The following TXNDC16 variants were observed in gnomAD, a reference collection of about 807,000 sequenced individuals.
TXNDC16 encodes the protein thioredoxin domain containing 16.
Under a neutral mutation model 85.6 loss-of-function variants are expected in TXNDC16, and 74 were observed. That is an observed-to-expected ratio of 0.86 (90% CI 0.72 to 1.05). TXNDC16 has a LOEUF of 1.05. Among genes scored for constraint, TXNDC16 ranks in the 50% least tolerant of loss-of-function variants. The pLI, the probability that TXNDC16 is intolerant of heterozygous loss-of-function variation, is 0.00. For synonymous variants in TXNDC16, 335 were observed against 326.5 expected, an observed-to-expected ratio of 1.03 and a Z score of -0.28; for missense variants, 959 against 947.0, an observed-to-expected ratio of 1.01 and a Z score of -0.17.
rs542259575 is a variant in TXNDC16 at position 52,536,759 on chromosome 14, T to C, written c.352A>G (p.Thr118Ala). The change falls in exon 6 of 21, where the codon ACC (threonine) becomes GCC (alanine). Residue 118 changes from threonine to alanine, a missense_variant. Coordinates refer to ENST00000281741, the MANE Select transcript of TXNDC16 (RefSeq NM_020784.3). ...ACAATGGCATTCACATCAAACAAGG[T>C]GTCAGTAGGGAATTCTCTGAGCAAT... ...NILLREFPTDTLFDVNAIVAH... is the reference protein window; with the variant it reads ...NILLREFPTDALFDVNAIVAH... 6.2e-7 allele frequency: 1 copy of C among 1,611,986 alleles called. No homozygotes were observed.
chr14:52,436,091 A>G (rs2035020230), intron 20 of TXNDC16, among the ~76,000 whole-genome samples: 1 of 152,242 alleles, frequency 6.6e-6, no homozygotes, highest in African/African-American at 2.4e-5. Context: ...GTGCAGTACT[A>G]GCATAAAGAC....
chr14:52,441,393 G>A (rs1361572337), intron 18 of TXNDC16, among the ~76,000 whole-genome samples: 1 of 152,098 alleles, frequency 6.6e-6, no homozygotes, highest in East Asian at 1.9e-4. Flanking sequence ...CAGATCGCCT[G>A]AGGTCAGGAG....
intron 8 of TXNDC16, among the ~76,000 whole-genome samples, chr14:52,512,775 A>C (rs941396138): frequency 1.3e-5 from 2 of 152,204 alleles, no homozygotes; most frequent in Non-Finnish European, 2.9e-5. Context: ...CCCAAACAGC[A>C]AGCGTTCAGG....
chr14:52,454,495 TAGAAATTAAAAACTTTTTTTAA>T (rs2035483781), intron 18 of TXNDC16, among the ~76,000 whole-genome samples: 1 of 149,416 alleles, frequency 6.7e-6, no homozygotes, highest in African/African-American at 2.5e-5. Flanking sequence ...CCAGAAAAAT[TAGAAATTAAAAACTTTTTTTAA>T]ACCAGGCTGG....
chr14:52,540,649 T>A (rs2037809802), intron 4 of TXNDC16, among the ~76,000 whole-genome samples: 1 of 152,056 alleles, frequency 6.6e-6, no homozygotes, highest in Admixed American at 6.6e-5. Flanking sequence ...AAAAAACTTC[T>A]ATGGCACTTT....
In TXNDC16 at chr14:52,490,846, A is replaced by C. The variant is rs756838129; in HGVS notation, c.916T>G (p.Leu306Val). The C allele has an allele frequency of 6.2e-7, 1 of 1,608,842 alleles. No individual in the cohort carries two copies. The highest frequency in any genetic ancestry group is 1.1e-5 in the South Asian group (1 of 89,256). ...RLLGKAGVLL[L>V]LRDSLEVNIP... is the part of the protein sequence containing the mutation. ...ATTCGATGTTTAAGATACCTTAACA[A>C]GAGTAGAACTCCTGCTTTTCCCAGA... The change falls in exon 10 of 21, where the codon TTG becomes GTG. Residue 306 changes from leucine to valine, a missense_variant. Transcript: ENST00000281741.
rs1202334187 is a variant in TXNDC16, at chr14:52,482,252, A to C, written c.1290T>G (p.Ile430Met). Residue 430 changes from isoleucine (I) to methionine (M), a missense_variant, in exon 14 of 21, where the codon ATT (isoleucine) becomes ATG (methionine). Coordinates refer to ENST00000281741, the MANE Select transcript of TXNDC16 (RefSeq NM_020784.3). Reference sequence around the variant, plus strand: ...TACCTTTCAGTTTAACTGCCACATCAATATAGGATTGCAAAAATGCCATGG... The same window carrying C: ...TACCTTTCAGTTTAACTGCCACATCCATATAGGATTGCAAAAATGCCATGG... ...AVSMAFLQSY[I>M]DVAVKLKGTS... 6.2e-7 allele frequency: 1 copy of C among 1,612,252 alleles called. No individual in the cohort carries two copies. Among genetic ancestry groups the C allele is most frequent in the Non-Finnish European group, 8.5e-7 (1 of 1,179,058 alleles).
chr14:52,541,440 G>A (rs1158003151), intron 4 of TXNDC16, among the ~76,000 whole-genome samples: 1 of 152,142 alleles, frequency 6.6e-6, no homozygotes, highest in Non-Finnish European at 1.5e-5. Context: ...TTTATTCAGA[G>A]ATCCTTGGAG....
rs2036947680 is a variant in TXNDC16 at position 52,511,278 on chromosome 14, T to C, written c.718A>G (p.Ile240Val). ...TTCATTGTCTTAATAAACAGGTGAA[T>C]GTTCAGTGTAGTCAATGGCTGTTCC... The part of the protein sequence containing the change: ...LMEQPLTTLN[I>V]HLFIKTMKAP... The change falls in exon 9 of 21, where the codon ATT becomes GTT. Residue 240 changes from isoleucine to valine, a missense_variant. Coordinates refer to ENST00000281741, the MANE Select transcript of TXNDC16 (RefSeq NM_020784.3). 1.3e-6 allele frequency: 2 copies of C among 1,593,534 alleles called. No individual in the cohort carries two copies. Among genetic ancestry groups the C allele is most frequent in the African/African-American group, 1.3e-5 (1 of 74,758 alleles).
intron 1 of TXNDC16, among the ~76,000 whole-genome samples, chr14:52,544,654 A>C (rs1050796685): frequency 6.6e-6 from 1 of 152,006 alleles, no homozygotes; most frequent in African/African-American, 2.4e-5. Context: ...TGCTCATTCA[A>C]TATTATCAAT....
At chr14:52,479,742 C>T (rs2036103798) in intron 14 of TXNDC16, among the ~76,000 whole-genome samples, 1 of 152,068 alleles carries the variant, frequency 6.6e-6, no homozygotes, top group African/African-American at 2.4e-5. Flanking sequence ...AATGACCATA[C>T]TGCCAAAAGC....
intron 9 of TXNDC16, among the ~76,000 whole-genome samples, chr14:52,497,082 A>T (rs932073723): frequency 6.6e-6 from 1 of 152,162 alleles, no homozygotes; most frequent in African/African-American, 2.4e-5. Context: ...ACATTCTTGC[A>T]TTGGGGTACA....
intron 18 of TXNDC16, among the ~76,000 whole-genome samples, chr14:52,443,593 T>A (rs1298240607): frequency 6.6e-6 from 1 of 152,130 alleles, no homozygotes; most frequent in Non-Finnish European, 1.5e-5. Flanking sequence ...CAGAGAGCTA[T>A]TAAAGCATAC....
chr14:52,532,353 G>A (rs568712329), intron 6 of TXNDC16, among the ~76,000 whole-genome samples: 1 of 152,028 alleles, frequency 6.6e-6, no homozygotes, highest in East Asian at 1.9e-4. Context: ...CTCAAGCCTG[G>A]GGAATACAGC....
intron 18 of TXNDC16, among the ~76,000 whole-genome samples, chr14:52,449,107 A>G (rs1023652606): frequency 6.6e-6 from 1 of 152,106 alleles, no homozygotes; most frequent in African/African-American, 2.4e-5. Flanking sequence ...AATAACATTA[A>G]ATATAAACAG....
chr14:52,505,606 G>A (rs1392030972), intron 9 of TXNDC16, among the ~76,000 whole-genome samples: 2 of 152,152 alleles, frequency 1.3e-5, no homozygotes, highest in East Asian at 1.9e-4. Context: ...GCCCACATGA[G>A]AATGCAGCAA....
intron 1 of TXNDC16, among the ~76,000 whole-genome samples, chr14:52,547,855 A>G (rs1277270198): frequency 6.6e-6 from 1 of 152,252 alleles, no homozygotes; most frequent in Non-Finnish European, 1.5e-5. Context: ...GCCAAGGAAG[A>G]ACTACATATA....
At chr14:52,492,825 A>C (rs929079664) in intron 9 of TXNDC16, among the ~76,000 whole-genome samples, 1 of 152,166 alleles carries the variant, frequency 6.6e-6, no homozygotes, top group African/African-American at 2.4e-5. Flanking sequence ...TCCTCGGCCC[A>C]GTCAGCCAAA....
chr14:52,495,406 A>G (rs565516546), intron 9 of TXNDC16, among the ~76,000 whole-genome samples: 75 of 152,280 alleles, frequency 4.9e-4, no homozygotes, highest in Admixed American at 8.5e-4. Context: ...GGCACATGAC[A>G]TTTTGTGAAA....
Sources: gnomAD v4.1 joint callset for allele counts (sites outside exome capture counted in the v4.1 genomes callset) on GRCh38, gnomAD v4.1.1 for gene constraint, MANE v1.5 for transcripts, NCBI Gene and HGNC (gene_info 2026-07-23, HGNC 2026-07-21) for gene names.